The following NELL1 variants were observed in gnomAD, a reference collection of about 807,000 sequenced individuals.
NELL1 encodes protein kinase C-binding protein NELL1.
In NELL1, 76 loss-of-function variants were observed where a neutral mutation model predicts 107.4. The ratio of observed to expected loss-of-function variants is 0.71; its 90% confidence interval spans 0.59 to 0.86. NELL1 has a LOEUF of 0.86. NELL1 is among the 40% of genes least tolerant of loss of function. The probability of loss-of-function intolerance (pLI) is 0.00; values close to 1 mark genes in which losing one functional copy is unlikely to be tolerated. For missense variants in NELL1, 1,024 were observed against 1,005.5 expected (o/e 1.02, Z -0.25); for synonymous variants, 353 against 341.2 (o/e 1.03, Z -0.38).
intron 15 of NELL1, among the ~76,000 whole-genome samples, chr11:21,488,272 G>A (rs1167549845): frequency 1.3e-5 from 2 of 151,802 alleles, no homozygotes; most frequent in African/African-American, 2.4e-5. Context: ...CCGTATGTTA[G>A]GCAACACAAA....
chr11:21,444,756 T>C (rs1433923192), intron 15 of NELL1, among the ~76,000 whole-genome samples: 1 of 152,132 alleles, frequency 6.6e-6, no homozygotes, highest in Non-Finnish European at 1.5e-5. Context: ...CTTCTAGTTA[T>C]TTTAAAATGT....
intron 4 of NELL1, among the ~76,000 whole-genome samples, chr11:20,869,141 A>G (rs1384486352): frequency 1.3e-5 from 2 of 152,194 alleles, no homozygotes; most frequent in Non-Finnish European, 2.9e-5. Flanking sequence ...CTTAGATTTC[A>G]TCAAGTAGTT....
chr11:21,304,663 T>C (rs1052521163), intron 14 of NELL1, among the ~76,000 whole-genome samples: 3 of 151,988 alleles, frequency 2.0e-5, no homozygotes, highest in Non-Finnish European at 4.4e-5. Context: ...ACAGCTTACA[T>C]TGTAAATCTT....
chr11:21,012,856 C>A (rs1852477606), intron 12 of NELL1, among the ~76,000 whole-genome samples: 1 of 152,046 alleles, frequency 6.6e-6, no homozygotes, highest in Non-Finnish European at 1.5e-5. Context: ...CTGAAAAATA[C>A]CTCAAACACC....
At chr11:20,972,316 ATAAG>A (rs1470877456) in intron 12 of NELL1, among the ~76,000 whole-genome samples, 1 of 152,234 alleles carries the variant, frequency 6.6e-6, no homozygotes, top group African/African-American at 2.4e-5. Flanking sequence ...TCAATAAGAT[ATAAG>A]TAAGTCCTAA....
chr11:20,974,461 A>C (rs1851564294), intron 12 of NELL1, among the ~76,000 whole-genome samples: 1 of 152,086 alleles, frequency 6.6e-6, no homozygotes, highest in Non-Finnish European at 1.5e-5. Flanking sequence ...AAATAACTCC[A>C]ATTGATTCCT....
At chr11:20,743,856 TCAAA>T (rs1855944660) in intron 2 of NELL1, among the ~76,000 whole-genome samples, 1 of 152,164 alleles carries the variant, frequency 6.6e-6, no homozygotes, top group Non-Finnish European at 1.5e-5. Flanking sequence ...AGCTAGCATC[TCAAA>T]CATGGTATGC....
At chr11:20,776,725 ATTAG>A (rs1179328406) in intron 2 of NELL1, among the ~76,000 whole-genome samples, 1 of 152,084 alleles carries the variant, frequency 6.6e-6, no homozygotes, top group Non-Finnish European at 1.5e-5. Flanking sequence ...AAGAAGGGAT[ATTAG>A]TTAGGCTTGT....
chr11:21,175,953 C>A (rs1186948672), intron 13 of NELL1, among the ~76,000 whole-genome samples: 1 of 151,786 alleles, frequency 6.6e-6, no homozygotes, highest in African/African-American at 2.4e-5. Flanking sequence ...TCCTTCATGG[C>A]AAACAATCTT....
intron 2 of NELL1, among the ~76,000 whole-genome samples, chr11:20,769,040 T>A (rs906612081): frequency 4.6e-5 from 7 of 152,056 alleles, no homozygotes; most frequent in Admixed American, 4.6e-4. Context: ...ATTTTCTGAT[T>A]GCTACATGGG....
At chr11:21,505,451 T>G (rs555473915) in intron 15 of NELL1, among the ~76,000 whole-genome samples, 1 of 152,212 alleles carries the variant, frequency 6.6e-6, no homozygotes, top group East Asian at 1.9e-4. Flanking sequence ...TTAGGAGGAC[T>G]TAAATCTTAA....
intron 2 of NELL1, among the ~76,000 whole-genome samples, chr11:20,689,487 C>T (rs1030117613): frequency 1.4e-5 from 2 of 138,046 alleles, no homozygotes; most frequent in Admixed American, 7.7e-5. Flanking sequence ...TTCCTGTGTC[C>T]ATGTGTTCTC....
intron 14 of NELL1, among the ~76,000 whole-genome samples, chr11:21,338,764 T>G (rs2133699290): frequency 6.6e-6 from 1 of 152,258 alleles, no homozygotes; most frequent in East Asian, 1.9e-4. Flanking sequence ...CTCATAAAAC[T>G]TGAGCAAAAT....
intron 12 of NELL1, among the ~76,000 whole-genome samples, chr11:21,071,217 T>A (rs538172275): frequency 6.6e-6 from 1 of 152,302 alleles, no homozygotes; most frequent in South Asian, 2.1e-4. Context: ...AAGTTTGTTG[T>A]GATGATAAAT....
At chr11:20,985,957 T>C (rs950923201) in intron 12 of NELL1, among the ~76,000 whole-genome samples, 11 of 152,204 alleles carry the variant, frequency 7.2e-5, no homozygotes, top group African/African-American at 2.4e-4. Context: ...GCTTTACTAA[T>C]GGACTTCACC....
chr11:21,382,880 T>G (rs1227759445), intron 15 of NELL1, among the ~76,000 whole-genome samples: 1 of 151,950 alleles, frequency 6.6e-6, no homozygotes, highest in Non-Finnish European at 1.5e-5. Context: ...TCCTCATTTT[T>G]AATCCTATAT....
chr11:21,314,864 C>CTT (rs750358102), intron 14 of NELL1, among the ~76,000 whole-genome samples: 10 of 144,720 alleles, frequency 6.9e-5, no homozygotes, highest in Non-Finnish European at 1.4e-4. Flanking sequence ...AGCAAGAGGG[C>CTT]TTTTTTTTTT....
chr11:20,896,438 C>A (rs760538186), intron 5 of NELL1, among the ~76,000 whole-genome samples: 1 of 152,180 alleles, frequency 6.6e-6, no homozygotes, highest in South Asian at 2.1e-4. Context: ...CTGCTATAAC[C>A]GTGTGTATGT....
chr11:21,017,725 G>C (rs1185412051), intron 12 of NELL1, among the ~76,000 whole-genome samples: 2 of 152,102 alleles, frequency 1.3e-5, no homozygotes, highest in East Asian at 3.9e-4. Flanking sequence ...TCTCAGTCTT[G>C]CTTGCATAAT....
Sources: gnomAD v4.1 joint callset for allele counts (sites outside exome capture counted in the v4.1 genomes callset) on GRCh38, gnomAD v4.1.1 for gene constraint, MANE v1.5 for transcripts, NCBI Gene and HGNC (gene_info 2026-07-23, HGNC 2026-07-21) for gene names.